PRKG1: variants seen among roughly 807,000 people sequenced by gnomAD.
PRKG1 encodes protein kinase cGMP-dependent 1, also known as cGMP-dependent protein kinase 1.
In PRKG1, 35 loss-of-function variants were observed where a neutral mutation model predicts 88.1. The ratio of observed to expected loss-of-function variants is 0.40; its 90% confidence interval spans 0.30 to 0.53. The LOEUF is 0.53. Ranked by LOEUF, PRKG1 falls within the 20% of genes least tolerant of loss-of-function variation. PRKG1 has a pLI of 0.59. For missense variants in PRKG1, 540 were observed against 839.8 expected (o/e 0.64, Z 4.41); for synonymous variants, 303 against 292.5 (o/e 1.04, Z -0.37).
rs147660771 is a variant in PRKG1, at chr10:51,769,209, C to T, written c.593-35376C>T. Among the ~76,000 whole-genome samples, 243 of 152,270 alleles carry T rather than the reference C, an allele frequency of 1.6e-3. 4 individuals carry two copies. Among genetic ancestry groups the T allele is most frequent in the East Asian group, 3.7e-3 (19 of 5,180 alleles). ...GAATCAGAACTCTGAGGGGTAAGGCCTTGAAATCGGCGTCAGAGTGGTTCT... is the reference window on the plus strand; with the variant it reads ...GAATCAGAACTCTGAGGGGTAAGGCTTTGAAATCGGCGTCAGAGTGGTTCT... On this transcript the variant is annotated intron_variant, in intron 3 of 17. Coordinates refer to ENST00000373980, the MANE Select transcript of PRKG1 (RefSeq NM_006258.4).
At chr10:52,227,141 A>G (rs1589715541) in intron 9 of PRKG1, among the ~76,000 whole-genome samples, 1 of 152,174 alleles carries the variant, frequency 6.6e-6, no homozygotes, top group East Asian at 1.9e-4. Flanking sequence ...CAGCATAAAG[A>G]TAGAAGAAGC....
intron 2 of PRKG1, among the ~76,000 whole-genome samples, chr10:51,179,411 G>C (rs1242104730): frequency 1.1e-4 from 17 of 152,198 alleles, no homozygotes; most frequent in Non-Finnish European, 4.4e-5. Context: ...ATAATATGTT[G>C]ATAGGTCATA....
At chr10:51,795,355 T>C (rs184144400) in intron 3 of PRKG1, among the ~76,000 whole-genome samples, 4 of 152,276 alleles carry the variant, frequency 2.6e-5, no homozygotes, top group African/African-American at 9.6e-5. Context: ...CAGTGTCCAA[T>C]TTTATGACCC....
At chr10:51,010,564 A>G (rs114789893) in intron 1 of PRKG1, among the ~76,000 whole-genome samples, 130 of 152,370 alleles carry the variant, frequency 8.5e-4, no homozygotes, top group African/African-American at 3.0e-3. Flanking sequence ...ATAGGGGAAC[A>G]TGTATCATGA....
chr10:51,231,557 C>T (rs1360852655), intron 2 of PRKG1, among the ~76,000 whole-genome samples: 3 of 152,054 alleles, frequency 2.0e-5, no homozygotes, highest in East Asian at 1.9e-4. Context: ...TTAGGGTGTA[C>T]GGAATTTACC....
At chr10:51,959,857 C>A (rs945308346) in intron 5 of PRKG1, among the ~76,000 whole-genome samples, 8 of 152,108 alleles carry the variant, frequency 5.3e-5, no homozygotes, top group African/African-American at 1.9e-4. Flanking sequence ...TCTCTAAATT[C>A]ATTTCATATT....
chr10:51,997,064 A>G (rs1039680364), intron 5 of PRKG1, among the ~76,000 whole-genome samples: 1 of 129,608 alleles, frequency 7.7e-6, no homozygotes, highest in African/African-American at 3.0e-5. Context: ...AACCTAAAAG[A>G]GTTGATCTCA....
At chr10:51,612,847 A>G (rs561518270) in intron 3 of PRKG1, among the ~76,000 whole-genome samples, 64 of 152,118 alleles carry the variant, frequency 4.2e-4, no homozygotes, top group African/African-American at 1.5e-3. Context: ...GAATTTTATC[A>G]AATGATTTTT....
chr10:51,786,819 G>A (rs1261701199), intron 3 of PRKG1, among the ~76,000 whole-genome samples: 1 of 152,000 alleles, frequency 6.6e-6, no homozygotes. Flanking sequence ...ACTTACTAAT[G>A]TTTCTACTTA....
In PRKG1 at chr10:51,129,834, T is replaced by C. The variant is rs556085600; in HGVS notation, c.312-23330T>C. Among the ~76,000 whole-genome samples, 8 of 152,280 alleles carry C rather than the reference T, an allele frequency of 5.3e-5. No homozygotes were observed. The East Asian group carries it at 1.5e-3, about 29-fold the overall frequency. On this transcript the variant is annotated intron_variant, in intron 1 of 17. Transcript: ENST00000373980. ...AGCCCTGAAAGAAGGGTCACATTTT[T>C]CCCTCACTCCATAGGGCCCTGGTCC...
At chr10:51,241,290 G>A (rs146470821) in intron 2 of PRKG1, among the ~76,000 whole-genome samples, 3 of 150,818 alleles carry the variant, frequency 2.0e-5, no homozygotes, top group African/African-American at 4.9e-5. Context: ...TGTGGAGCTA[G>A]CTCATTTGCT....
At chr10:52,255,093 C>T (rs557252919) in intron 10 of PRKG1, among the ~76,000 whole-genome samples, 87 of 152,188 alleles carry the variant, frequency 5.7e-4, no homozygotes, top group Non-Finnish European at 9.9e-4. Flanking sequence ...TGTCTGTTTA[C>T]AGTATGTCTT....
chr10:52,213,020 T>C (rs1840020275), intron 9 of PRKG1, among the ~76,000 whole-genome samples: 1 of 152,156 alleles, frequency 6.6e-6, no homozygotes, highest in South Asian at 2.1e-4. Flanking sequence ...CGTACATGAA[T>C]GTTTACACAC....
chr10:51,419,971 C>A (rs1331831768), intron 2 of PRKG1, among the ~76,000 whole-genome samples: 1 of 152,072 alleles, frequency 6.6e-6, no homozygotes, highest in African/African-American at 2.4e-5. Context: ...AAGAACAAAA[C>A]TGTTACAAAA....
chr10:52,161,418 G>C (rs1395082356), intron 8 of PRKG1, among the ~76,000 whole-genome samples: 1 of 152,012 alleles, frequency 6.6e-6, no homozygotes, highest in Non-Finnish European at 1.5e-5. Context: ...GTTAAGTGGA[G>C]ATAATGATGC....
intron 3 of PRKG1, among the ~76,000 whole-genome samples, chr10:51,570,642 T>C (rs1301570725): frequency 6.6e-6 from 1 of 151,864 alleles, no homozygotes; most frequent in African/African-American, 2.4e-5. Flanking sequence ...ACTTAAACCA[T>C]TGTTATTTTG....
chr10:52,287,797 A>G (rs1244799554), intron 14 of PRKG1, among the ~76,000 whole-genome samples: 1 of 152,010 alleles, frequency 6.6e-6, no homozygotes, highest in Non-Finnish European at 1.5e-5. Context: ...TAAATTATCT[A>G]ATGAGGTCCT....
At position 52,218,666 on chromosome 10, in the gene PRKG1, T is replaced by C. The variant is rs371863395; in HGVS notation, c.1077-32904T>C. Among the ~76,000 whole-genome samples the C allele has an allele frequency of 5.9e-5, 9 of 152,210 alleles. No individual in the cohort carries two copies. The East Asian group carries it at 1.2e-3, about 20-fold the overall frequency. On this transcript the variant is annotated intron_variant, in intron 9 of 17. Transcript: ENST00000373980. ...ATTCTACACTCATTACTTTAGAAAA[T>C]TGTGTTGCAAAAATCAGTGTTTATT...
At chr10:51,839,598 C>A in intron 4 of PRKG1, among the ~76,000 whole-genome samples, 1 of 152,190 alleles carries the variant, frequency 6.6e-6, no homozygotes, top group East Asian at 1.9e-4. Flanking sequence ...ATATTGAAAA[C>A]CAGCCAGATA....
Sources: gnomAD v4.1 joint callset for allele counts (sites outside exome capture counted in the v4.1 genomes callset) on GRCh38, gnomAD v4.1.1 for gene constraint, MANE v1.5 for transcripts, NCBI Gene and HGNC (gene_info 2026-07-23, HGNC 2026-07-21) for gene names.